FRK: variants seen among roughly 807,000 people sequenced by gnomAD.
FRK encodes fyn related Src family tyrosine kinase, also known as tyrosine-protein kinase FRK.
FRK carries 51 observed loss-of-function variants against 56.4 expected under a neutral mutation model. The observed-to-expected ratio is 0.90, with a 90% CI of 0.72 to 1.14. The LOEUF (loss-of-function observed/expected upper bound fraction) is 1.14. FRK is among the 50% of genes most tolerant of loss of function. The pLI, the probability that FRK is intolerant of heterozygous loss-of-function variation, is 0.00. For synonymous variants in FRK, 245 were observed against 217.9 expected, an observed-to-expected ratio of 1.12 and a Z score of -1.10; for missense variants, 570 against 601.4, an observed-to-expected ratio of 0.95 and a Z score of 0.55.
intron 1 of FRK, chr6:116,039,207 T>G (rs776514063): frequency 6.2e-6 from 9 of 1,442,734 alleles, no homozygotes; most frequent in Non-Finnish European, 1.9e-6. Context: ...TCATCGCAGA[T>G]AACGTGAAGG....
At chr6:115,992,464 T>C (rs553445775) in intron 2 of FRK, among the ~76,000 whole-genome samples, 42 of 151,920 alleles carry the variant, frequency 2.8e-4, no homozygotes, top group African/African-American at 1.0e-3. Context: ...TATGAATCAA[T>C]GATTAAATGA....
the FRK span, among the ~76,000 whole-genome samples, chr6:116,066,699 A>C: frequency 2.6e-5 from 4 of 152,088 alleles, no homozygotes; most frequent in Admixed American, 1.3e-4. Context: ...TGGGCCAGCC[A>C]CAGTGGCCAC....
At chr6:115,971,917 A>G (rs1773819173) in intron 2 of FRK, among the ~76,000 whole-genome samples, 1 of 152,156 alleles carries the variant, frequency 6.6e-6, no homozygotes, top group Non-Finnish European at 1.5e-5. Context: ...CAGAGAGAAG[A>G]GGGAGTAAAG....
chr6:116,053,543 A>T (rs1465571434), intron 1 of FRK, among the ~76,000 whole-genome samples: 2 of 152,194 alleles, frequency 1.3e-5, no homozygotes, highest in Admixed American at 1.3e-4. Flanking sequence ...GAGACAAACC[A>T]TGGAATTAAA....
At chr6:116,057,471 T>G (rs139884243) in intron 1 of FRK, among the ~76,000 whole-genome samples, 1 of 152,302 alleles carries the variant, frequency 6.6e-6, no homozygotes, top group East Asian at 1.9e-4. Flanking sequence ...CTACTTGCAC[T>G]AAGAGTATTG....
At chr6:115,986,138 C>T (rs1774384409) in intron 2 of FRK, among the ~76,000 whole-genome samples, 1 of 151,956 alleles carries the variant, frequency 6.6e-6, no homozygotes, top group South Asian at 2.1e-4. Flanking sequence ...CAACATTCTT[C>T]TCCATCCCAC....
chr6:115,970,172 A>C (rs1328358795), intron 2 of FRK, among the ~76,000 whole-genome samples: 2 of 152,162 alleles, frequency 1.3e-5, no homozygotes, highest in African/African-American at 4.8e-5. Context: ...ACACACCAGA[A>C]AAGCTAAAAT....
chr6:115,957,099 G>C lies in FRK; in HGVS notation c.800-489C>G, dbSNP rs570632489. ...TTGTCTTTAATTCTGTAGGAACATA[G>C]TGTGTAGACCAAGTGGAAAACATCC... On this transcript the variant is annotated intron_variant, in intron 4 of 7. Transcript: ENST00000606080. Among the ~76,000 whole-genome samples the C allele has an allele frequency of 1.1e-4, 16 of 152,304 alleles. No homozygotes were observed. The South Asian group carries it at 3.1e-3, about 30-fold the overall frequency.
intron 1 of FRK, 59 bp from the exon 2 acceptor site, chr6:116,004,057 A>G (rs554429518): frequency 6.7e-7 from 1 of 1,487,296 alleles, no homozygotes; most frequent in Non-Finnish European, 9.3e-7. Flanking sequence ...TTTAAGGAGG[A>G]AAAAGCCTGG....
chr6:116,008,691 TGGCC>T (rs1775346432), intron 1 of FRK, among the ~76,000 whole-genome samples: 1 of 152,216 alleles, frequency 6.6e-6, no homozygotes, highest in South Asian at 2.1e-4. Flanking sequence ...GAGCCTCTGC[TGGCC>T]CCATTCTGGA....
At chr6:116,009,658 G>T (rs1482692532) in intron 1 of FRK, among the ~76,000 whole-genome samples, 2 of 151,976 alleles carry the variant, frequency 1.3e-5, no homozygotes, top group Non-Finnish European at 2.9e-5. Context: ...GATATGAAAA[G>T]AAATGCTGGA....
intron 1 of FRK, among the ~76,000 whole-genome samples, chr6:116,035,030 T>C (rs1776421859): frequency 6.6e-6 from 1 of 152,106 alleles, no homozygotes; most frequent in East Asian, 1.9e-4. Context: ...TACTGTTCTC[T>C]ATCCTTTTTA....
rs1772027798 is a variant in FRK at position 115,935,449 on chromosome 6, G to A, written c.*6965C>T. 1 of 152,784 alleles carries A rather than the reference G, an allele frequency of 6.5e-6. No homozygotes were observed. Among genetic ancestry groups the A allele is most frequent in the Non-Finnish European group, 1.5e-5 (1 of 68,400 alleles). 9.5% of individuals were successfully genotyped at this position (152,784 alleles called of 1,614,324 possible). A position where few individuals can be genotyped will look rare whatever the true frequency, so the allele number is the denominator to read the frequency against. On this transcript the variant is annotated 3_prime_UTR_variant, in exon 8 of 8. Transcript: ENST00000606080. Reference sequence around the variant, plus strand: ...TGGGCAGACACTGAACTAGCTGCAGGAGTTTTATTTTCCATACCCCAGTGG... The same window carrying A: ...TGGGCAGACACTGAACTAGCTGCAGAAGTTTTATTTTCCATACCCCAGTGG...
At chr6:116,007,255 G>C (rs1012422479) in intron 1 of FRK, among the ~76,000 whole-genome samples, 1 of 152,200 alleles carries the variant, frequency 6.6e-6, no homozygotes, top group African/African-American at 2.4e-5. Flanking sequence ...ACACTCTCCA[G>C]TGAGTTATTG....
chr6:116,046,292 A>G (rs1247226342), intron 1 of FRK, among the ~76,000 whole-genome samples: 1 of 152,220 alleles, frequency 6.6e-6, no homozygotes, highest in Non-Finnish European at 1.5e-5. Flanking sequence ...TATATCCCCA[A>G]AGGATTATAA....
the FRK span, among the ~76,000 whole-genome samples, chr6:116,099,992 G>A: frequency 6.6e-6 from 1 of 152,206 alleles, no homozygotes; most frequent in South Asian, 2.1e-4. Flanking sequence ...TGTATGTAAT[G>A]GATTAACTTT....
At chr6:116,059,917 T>C (rs1262835665) in intron 1 of FRK, 51 bp downstream of exon 1, 1 of 1,457,672 alleles carries the variant, frequency 6.9e-7, no homozygotes, top group Non-Finnish European at 9.4e-7. Context: ...GAAAACTCAT[T>C]ACCCAGCCCT....
intron 5 of FRK, among the ~76,000 whole-genome samples, chr6:115,955,653 ATTC>A (rs759339423): frequency 2.0e-5 from 3 of 152,180 alleles, no homozygotes; most frequent in Non-Finnish European, 4.4e-5. Flanking sequence ...ATCAGAGGAT[ATTC>A]TTATCTTTCT....
At chr6:115,997,346 C>T (rs961742119) in intron 2 of FRK, among the ~76,000 whole-genome samples, 4 of 151,966 alleles carry the variant, frequency 2.6e-5, no homozygotes, top group Non-Finnish European at 1.5e-5. Context: ...TTATAAAAGT[C>T]CTGCATACTC....
Sources: allele counts gnomAD v4.1 joint callset (sites outside exome capture counted in the v4.1 genomes callset), GRCh38; gene constraint gnomAD v4.1.1; transcripts MANE v1.5; gene names NCBI Gene and HGNC (gene_info 2026-07-23, HGNC 2026-07-21).